The following ARHGAP22 variants were observed in gnomAD, a reference collection of about 807,000 sequenced individuals.
ARHGAP22 encodes the protein Rho GTPase activating protein 22, also known as rho GTPase-activating protein 22.
In ARHGAP22, 48 loss-of-function variants were observed where a neutral mutation model predicts 59.1. The observed-to-expected ratio is 0.81, with a 90% CI of 0.64 to 1.03. The LOEUF is 1.03. Among genes scored for constraint, ARHGAP22 ranks in the 50% least tolerant of loss-of-function variants. The pLI, the probability that ARHGAP22 is intolerant of heterozygous loss-of-function variation, is 0.00. For synonymous variants in ARHGAP22, 445 were observed against 416.4 expected (o/e 1.07, Z -0.84); for missense variants, 1,015 against 958.7 (o/e 1.06, Z -0.78).
chr10:48,633,723 G>T (rs191309893), intron 1 of ARHGAP22, among the ~76,000 whole-genome samples: 54 of 152,312 alleles, frequency 3.5e-4, no homozygotes, highest in African/African-American at 1.3e-3. Flanking sequence ...GGGAGGGAGG[G>T]CTGGCTTTCC....
At chr10:48,430,839 G>A in the ARHGAP22 span, 1 of 256,754 alleles carries the variant, frequency 3.9e-6, no homozygotes. Flanking sequence ...CGTGGTTCAA[G>A]CCCTCCCTGA....
At chr10:48,598,402 ACT>A (rs2060194871) in intron 1 of ARHGAP22, among the ~76,000 whole-genome samples, 1 of 151,966 alleles carries the variant, frequency 6.6e-6, no homozygotes, top group African/African-American at 2.4e-5. Context: ...GTGCTGAAAC[ACT>A]CTGGTACTTA....
At chr10:48,584,087 A>T (rs1359702590) in intron 1 of ARHGAP22, among the ~76,000 whole-genome samples, 1 of 152,272 alleles carries the variant, frequency 6.6e-6, no homozygotes, top group South Asian at 2.1e-4. Context: ...TGCCACAGTG[A>T]TCACTAGGAG....
chr10:48,477,983 A>G (rs912643371), intron 4 of ARHGAP22, among the ~76,000 whole-genome samples: 3 of 152,246 alleles, frequency 2.0e-5, no homozygotes, highest in African/African-American at 7.2e-5. Flanking sequence ...AATATAATTT[A>G]TCAACAATTT....
At chr10:48,648,591 CAT>C (rs1166768259) in intron 1 of ARHGAP22, among the ~76,000 whole-genome samples, 1 of 152,208 alleles carries the variant, frequency 6.6e-6, no homozygotes, top group Non-Finnish European at 1.5e-5. Flanking sequence ...TAACTCATCC[CAT>C]TCAGACTCAC....
At chr10:48,643,000 A>G (rs2062117949) in intron 1 of ARHGAP22, among the ~76,000 whole-genome samples, 1 of 152,246 alleles carries the variant, frequency 6.6e-6, no homozygotes, top group Non-Finnish European at 1.5e-5. Context: ...GCTTATCATC[A>G]CTGGCCATCA....
intron 3 of ARHGAP22, 51 bp downstream of exon 3, chr10:48,555,411 GC>G: frequency 6.4e-7 from 1 of 1,564,178 alleles, no homozygotes; most frequent in Non-Finnish European, 8.8e-7. Context: ...CAGGCCAGGG[GC>G]ATGGCAACAC....
chr10:48,564,644 A>T (rs2057931888), intron 2 of ARHGAP22, among the ~76,000 whole-genome samples: 1 of 152,218 alleles, frequency 6.6e-6, no homozygotes, highest in African/African-American at 2.4e-5. Context: ...GACTACCATC[A>T]TACTCTCCGA....
chr10:48,542,509 C>T (rs1450197818), intron 3 of ARHGAP22, among the ~76,000 whole-genome samples: 1 of 152,154 alleles, frequency 6.6e-6, no homozygotes, highest in African/African-American at 2.4e-5. Flanking sequence ...CCTCTGCCTC[C>T]GCCTCCTGTG....
At chr10:48,582,919 G>T in intron 2 of ARHGAP22, 34 bp downstream of exon 2, 3 of 1,609,078 alleles carry the variant, frequency 1.9e-6, no homozygotes, top group Non-Finnish European at 2.6e-6. Flanking sequence ...GCCCTGCCAC[G>T]ATGCCCACGG....
chr10:48,563,233 C>G (rs1321982794), intron 2 of ARHGAP22, among the ~76,000 whole-genome samples: 5 of 130,274 alleles, frequency 3.8e-5, no homozygotes, highest in Middle Eastern at 4.8e-3. Context: ...TTGCTCTGTG[C>G]CCCAGGCTGG....
intron 1 of ARHGAP22, among the ~76,000 whole-genome samples, chr10:48,588,038 A>G (rs2059533672): frequency 6.6e-6 from 1 of 152,238 alleles, no homozygotes; most frequent in African/African-American, 2.4e-5. Context: ...TGCACAATCA[A>G]TACATGGCTG....
intron 3 of ARHGAP22, among the ~76,000 whole-genome samples, chr10:48,491,954 G>A (rs1180288273): frequency 2.0e-5 from 3 of 152,210 alleles, no homozygotes; most frequent in African/African-American, 7.2e-5. Context: ...CCAGCCCCAG[G>A]TGACCAGCCC....
At chr10:48,495,911 G>A (rs1232774019) in intron 3 of ARHGAP22, among the ~76,000 whole-genome samples, 4 of 152,092 alleles carry the variant, frequency 2.6e-5, no homozygotes, top group Non-Finnish European at 5.9e-5. Context: ...AGCCAGCAAG[G>A]GACTGTGGTG....
intron 4 of ARHGAP22, among the ~76,000 whole-genome samples, chr10:48,473,226 A>G (rs576186271): frequency 1.3e-5 from 2 of 152,378 alleles, no homozygotes; most frequent in East Asian, 3.9e-4. Context: ...GCAAAATGAA[A>G]TAAGCCAGTC....
chr10:48,612,366 T>G (rs1008725888), intron 1 of ARHGAP22, among the ~76,000 whole-genome samples: 1 of 152,238 alleles, frequency 6.6e-6, no homozygotes, highest in African/African-American at 2.4e-5. Context: ...GGATCTGCTC[T>G]ATATCTGGCA....
At chr10:48,627,646 C>T (rs1325878710) in intron 1 of ARHGAP22, among the ~76,000 whole-genome samples, 1 of 152,210 alleles carries the variant, frequency 6.6e-6, no homozygotes, top group African/African-American at 2.4e-5. Context: ...GGAAGCTTGG[C>T]TCATGCCCAC....
chr10:48,626,908 G>T (rs1340606284), intron 1 of ARHGAP22, among the ~76,000 whole-genome samples: 1 of 152,192 alleles, frequency 6.6e-6, no homozygotes, highest in Non-Finnish European at 1.5e-5. Context: ...TGTGATTAGA[G>T]GGTTACAAGT....
At chr10:48,526,234 A>G (rs1447712300) in intron 3 of ARHGAP22, among the ~76,000 whole-genome samples, 3 of 152,222 alleles carry the variant, frequency 2.0e-5, no homozygotes, top group African/African-American at 4.8e-5. Flanking sequence ...ATGTGGGGGC[A>G]GGAAAGAATG....
Sources: gnomAD v4.1 joint callset for allele counts (sites outside exome capture counted in the v4.1 genomes callset) on GRCh38, gnomAD v4.1.1 for gene constraint, MANE v1.5 for transcripts, NCBI Gene and HGNC (gene_info 2026-07-23, HGNC 2026-07-21) for gene names.